The following SPHKAP variants were observed in gnomAD, a reference collection of about 807,000 sequenced individuals.
SPHKAP encodes A-kinase anchor protein SPHKAP.
SPHKAP carries 67 observed loss-of-function variants against 137.5 expected under a neutral mutation model. The ratio of observed to expected loss-of-function variants is 0.49; its 90% CI spans 0.40 to 0.60. The LOEUF is 0.60. Among genes scored for constraint, SPHKAP ranks in the 20% least tolerant of loss-of-function variants. The pLI is 0.00. For missense variants in SPHKAP, 2,097 were observed against 2,069.3 expected (o/e 1.01, Z -0.26); for synonymous variants, 813 against 785.3 (o/e 1.04, Z -0.59).
At chr2:228,121,552 T>C (rs1698904350) in intron 2 of SPHKAP, among the ~76,000 whole-genome samples, 1 of 152,074 alleles carries the variant, frequency 6.6e-6, no homozygotes, top group African/African-American at 2.4e-5. Flanking sequence ...AGTTCTCTTT[T>C]CTCTGACTCT....
At chr2:228,040,462 G>A (rs1695792466) in intron 3 of SPHKAP, among the ~76,000 whole-genome samples, 2 of 152,152 alleles carry the variant, frequency 1.3e-5, no homozygotes, top group Admixed American at 6.6e-5. Flanking sequence ...GAATACATTC[G>A]ACTGTTTGAG....
chr2:227,994,611 T>C (rs935230425), intron 8 of SPHKAP, among the ~76,000 whole-genome samples: 10 of 152,180 alleles, frequency 6.6e-5, no homozygotes, highest in African/African-American at 1.9e-4. Context: ...TCTTAGCTTT[T>C]GAGGGGGGCA....
At chr2:228,009,365 G>T (rs577241034) in intron 7 of SPHKAP, among the ~76,000 whole-genome samples, 1 of 152,124 alleles carries the variant, frequency 6.6e-6, no homozygotes, top group African/African-American at 2.4e-5. Flanking sequence ...TGTTGATCCT[G>T]CTTAGAGTTA....
At chr2:228,093,074 G>C (rs1410149566) in intron 3 of SPHKAP, among the ~76,000 whole-genome samples, 1 of 151,978 alleles carries the variant, frequency 6.6e-6, no homozygotes, top group Non-Finnish European at 1.5e-5. Context: ...AAATAAAAAA[G>C]CACAATGAGT....
rs1693502678 is a variant in SPHKAP at position 227,993,544 on chromosome 2, G to A, written c.4711C>T (p.Pro1571Ser). The stretch of plus-strand genomic sequence containing the variant: ...TCAGTGGCTACTTACTTAATCATGG[G>A]AGAAGATGGCATGCTTTCCTGATAA... ...DIYQESMPSSPMINELVEEKK... is the reference protein window; with the variant it reads ...DIYQESMPSSSMINELVEEKK... The change falls in exon 9 of 12, where the codon CCC becomes TCC. Residue 1571 changes from proline to serine, a missense_variant. Transcript: ENST00000392056. The A allele has an allele frequency of 6.2e-7, 1 of 1,602,098 alleles. No individual in the cohort carries two copies. The highest frequency in any genetic ancestry group is 8.5e-7 in the Non-Finnish European group (1 of 1,174,338).
intron 3 of SPHKAP, among the ~76,000 whole-genome samples, chr2:228,082,825 A>C (rs1192303074): frequency 1.3e-5 from 2 of 152,190 alleles, no homozygotes; most frequent in African/African-American, 4.8e-5. Context: ...GAATCCACCT[A>C]ATGTGCTTAG....
intron 2 of SPHKAP, among the ~76,000 whole-genome samples, chr2:228,125,796 G>A (rs1699058823): frequency 6.6e-6 from 1 of 152,102 alleles, no homozygotes; most frequent in South Asian, 2.1e-4. Context: ...GAGTGGTTGG[G>A]TTGGGCATGG....
chr2:228,109,301 A>C, intron 2 of SPHKAP: 4 of 892,070 alleles, frequency 4.5e-6, no homozygotes, highest in Non-Finnish European at 5.4e-6. Context: ...GTTCTTTCAC[A>C]CTCCATAAGT....
chr2:228,004,278 G>A (rs1442937647), intron 7 of SPHKAP, among the ~76,000 whole-genome samples: 1 of 152,080 alleles, frequency 6.6e-6, no homozygotes, highest in East Asian at 1.9e-4. Flanking sequence ...CTTCTTCCTG[G>A]TTTAGTCTTG....
rs185756293 is a variant in SPHKAP, at chr2:228,129,538, T to A, written c.138+2442A>T. On this transcript the variant is annotated intron_variant, in intron 2 of 11. Transcript: ENST00000392056. Reference sequence around the variant, plus strand: ...TAACAGAGTTTTGAATGTATTTAGGTCGGGCCATACAAAATTGCCTATATT... The same window carrying A: ...TAACAGAGTTTTGAATGTATTTAGGACGGGCCATACAAAATTGCCTATATT... Among the ~76,000 whole-genome samples, 8 of 152,234 alleles carry A rather than the reference T, an allele frequency of 5.3e-5. No homozygotes were observed. The East Asian group carries it at 1.2e-3, about 22-fold the overall frequency.
At chr2:228,009,036 T>A (rs907500887) in intron 7 of SPHKAP, among the ~76,000 whole-genome samples, 2 of 152,238 alleles carry the variant, frequency 1.3e-5, no homozygotes, top group African/African-American at 2.4e-5. Flanking sequence ...TGATTGGGAT[T>A]GTAATGAATC....
At chr2:228,083,311 A>G (rs1039215960) in intron 3 of SPHKAP, among the ~76,000 whole-genome samples, 3 of 152,234 alleles carry the variant, frequency 2.0e-5, no homozygotes, top group African/African-American at 7.2e-5. Flanking sequence ...CCAACAGTGT[A>G]CAAGTGTTCC....
intron 9 of SPHKAP, 67 bp downstream of exon 9, chr2:227,993,467 C>G (rs1693496710): frequency 2.1e-6 from 3 of 1,424,712 alleles, no homozygotes; most frequent in Non-Finnish European, 2.9e-6. Context: ...CCTGAATGAT[C>G]AAAATGGATT....
chr2:228,020,083 C>A lies in SPHKAP; in HGVS notation c.771G>T (p.Trp257Cys), dbSNP rs898665886. The A allele has an allele frequency of 6.2e-7, 1 of 1,614,054 alleles. No individual in the cohort carries two copies. Among genetic ancestry groups the A allele is most frequent in the Non-Finnish European group, 8.5e-7 (1 of 1,180,038 alleles). Residue 257 changes from tryptophan (W) to cysteine (C), a missense_variant, in exon 7 of 12, where the codon TGG (tryptophan) becomes TGT (cysteine). Trp to Cys is a radical substitution (Grantham distance 215). Coordinates refer to ENST00000392056, the MANE Select transcript of SPHKAP (RefSeq NM_001142644.2). Reference sequence around the variant, plus strand: ...AAAGCCACTTTTCCTTGTTGCAATTCCATTCCACCTGGGTGGCTCCCTTTA... The same window carrying A: ...AAAGCCACTTTTCCTTGTTGCAATTACATTCCACCTGGGTGGCTCCCTTTA... ...KQLKGATQVEWNCNKEKWLYA... is the reference protein window; with the variant it reads ...KQLKGATQVECNCNKEKWLYA...
At position 228,167,427 on chromosome 2, in the gene SPHKAP, T is replaced by C. The variant is rs143254582; in HGVS notation, c.32+14140A>G. 3.9e-3 allele frequency among the ~76,000 whole-genome samples: 590 copies of C among 152,322 alleles called. 3 individuals are homozygous for C. Among genetic ancestry groups the C allele is most frequent in the African/African-American group, 0.013 (552 of 41,576 alleles). On this transcript the variant is annotated intron_variant, in intron 1 of 11. Coordinates refer to ENST00000392056, the MANE Select transcript of SPHKAP (RefSeq NM_001142644.2). ...TTTAATCACTATATTGAAGCACTGT[T>C]GATTCATTTATTTAAAAAGTTGAAG...
chr2:228,166,381 A>G (rs1700423680), intron 1 of SPHKAP, among the ~76,000 whole-genome samples: 1 of 152,210 alleles, frequency 6.6e-6, no homozygotes, highest in Non-Finnish European at 1.5e-5. Flanking sequence ...TATGACACCT[A>G]GACCTCCTTG....
rs1046656198 is a variant in SPHKAP, at chr2:228,181,480, C to T, written c.32+87G>A. On this transcript the variant is annotated intron_variant, in intron 1 of 11. Coordinates refer to ENST00000392056, the MANE Select transcript of SPHKAP (RefSeq NM_001142644.2). This position sits in a 1 kb window ranked among gnomAD's most constrained non-coding sequence, Gnocchi z 4.3. The stretch of plus-strand genomic sequence containing the variant: ...GCTGGGAGCCCCGTGCAAACCGAAG[C>T]GCTCTGGGGCAAGTTGGTGAGCGAC... 13 of 1,590,810 alleles carry T rather than the reference C, an allele frequency of 8.2e-6. No individual in the cohort carries two copies. Among genetic ancestry groups the T allele is most frequent in the Middle Eastern group, 1.7e-4 (1 of 6,028 alleles).
chr2:227,986,926 G>A (rs535056201), intron 11 of SPHKAP, among the ~76,000 whole-genome samples: 4 of 152,314 alleles, frequency 2.6e-5, no homozygotes, highest in East Asian at 1.9e-4. Flanking sequence ...AGCCATGTGC[G>A]TGTCTTTTAT....
chr2:228,132,168 G>T, intron 1 of SPHKAP, 83 bp from the exon 2 acceptor site: 1 of 1,156,508 alleles, frequency 8.6e-7, no homozygotes, highest in Non-Finnish European at 1.3e-6. Flanking sequence ...ATCACAACAT[G>T]GTGTATCAAA....
Sources: allele counts gnomAD v4.1 joint callset (sites outside exome capture counted in the v4.1 genomes callset), GRCh38; gene constraint gnomAD v4.1.1; non-coding constraint Gnocchi (gnomAD v3.1); transcripts MANE v1.5; gene names NCBI Gene and HGNC (gene_info 2026-07-23, HGNC 2026-07-21).